Variants in LIAS observed in about 807,000 individuals in gnomAD.
LIAS encodes lipoyl synthase, mitochondrial.
LIAS carries 36 observed loss-of-function variants against 49.4 expected under a neutral mutation model. The ratio of observed to expected loss-of-function variants is 0.73; its 90% CI spans 0.56 to 0.96. The LOEUF is 0.96. Among genes scored for constraint, LIAS ranks in the 40% least tolerant of loss-of-function variants. The pLI is 0.00. For missense variants in LIAS, 399 were observed against 456.3 expected, an observed-to-expected ratio of 0.87 and a Z score of 1.14; for synonymous variants, 145 against 155.8, an observed-to-expected ratio of 0.93 and a Z score of 0.52.
At chr4:39,470,638 C>A (rs1199613927) in intron 8 of LIAS, 1 of 157,552 alleles carries the variant, frequency 6.3e-6, no homozygotes, top group Non-Finnish European at 1.4e-5. Flanking sequence ...AGTCCATTTG[C>A]TTTGTGATTC....
intron 1 of LIAS, among the ~76,000 whole-genome samples, chr4:39,459,630 G>C (rs1744340787): frequency 6.6e-6 from 1 of 152,298 alleles, no homozygotes; most frequent in African/African-American, 2.4e-5. Flanking sequence ...GTGCAGACTC[G>C]TGGATTTTGT....
chr4:39,464,974 T>C (rs770453090), intron 4 of LIAS, 72 bp from the exon 5 acceptor site: 40 of 1,305,762 alleles, frequency 3.1e-5, no homozygotes, highest in Non-Finnish European at 4.2e-5. Flanking sequence ...TGCAACTTGC[T>C]TTATTCTCTC....
At position 39,467,639 on chromosome 4, in the gene LIAS, T is replaced by C. The variant is rs1360547195; in HGVS notation, c.730T>C (p.Leu244=). The change falls in exon 7 of 11, where the codon TTA becomes CTA. Residue 244 remains leucine, a synonymous_variant. Coordinates refer to ENST00000640888, the MANE Select transcript of LIAS (RefSeq NM_006859.4). ...YAHNVETVPE[L]QSKVRDPRAN... Reference sequence around the variant, plus strand: ...ACATAATGTAGAAACAGTCCCGGAATTACAGAGGTGAATACGTGTACAAAG... The same window carrying C: ...ACATAATGTAGAAACAGTCCCGGAACTACAGAGGTGAATACGTGTACAAAG... 2 of 1,578,508 alleles carry C rather than the reference T, an allele frequency of 1.3e-6. No homozygotes were observed. The highest frequency in any genetic ancestry group is 2.3e-5 in the East Asian group (1 of 43,494).
rs1320199433 is a variant in LIAS, at chr4:39,471,314, T to G, written c.954+8T>G. ...ACAAGGCGTCACCTTAAGGTACATGTATCTTGATTTGCTTTTTTTTTTTTT... is the reference window on the plus strand; with the variant it reads ...ACAAGGCGTCACCTTAAGGTACATGGATCTTGATTTGCTTTTTTTTTTTTT... On this transcript the variant is annotated splice_region_variant and intron_variant, in intron 9 of 10. Coordinates refer to ENST00000640888, the MANE Select transcript of LIAS (RefSeq NM_006859.4). 1.3e-6 allele frequency: 2 copies of G among 1,584,376 alleles called. No individual in the cohort carries two copies. The highest frequency in any genetic ancestry group is 3.6e-5 in the Admixed American group (2 of 56,022).
Position 39,465,077 on chromosome 4 carries a change from G to T in LIAS, c.425G>T (p.Arg142Ile), listed in dbSNP as rs760870251. Residue 142 changes from arginine to isoleucine, a missense_variant, in exon 5 of 11, where the codon AGA (arginine) becomes ATA (isoleucine). Physicochemically the swap from Arg to Ile is moderately conservative, Grantham distance 97 (BLOSUM62 -3). Around this residue, in one of 3 missense-constraint regions of LIAS, gnomAD observed 234 missense variants for 292.2 expected, o/e 0.80. Coordinates refer to ENST00000640888, the MANE Select transcript of LIAS (RefSeq NM_006859.4). Reference protein sequence around the residue: ...LMGDTCTRGCRFCSVKTARNP... With the variant: ...LMGDTCTRGCIFCSVKTARNP... Reference sequence around the variant, plus strand: ...GGTGACACATGTACAAGAGGTTGCAGATTTTGTTCTGTTAAGACTGCAAGA... The same window carrying T: ...GGTGACACATGTACAAGAGGTTGCATATTTTGTTCTGTTAAGACTGCAAGA... 1.9e-6 allele frequency: 3 copies of T among 1,614,116 alleles called. No individual in the cohort carries two copies. The highest frequency in any genetic ancestry group is 2.2e-5 in the South Asian group (2 of 91,068).
intron 8 of LIAS, 146 bp downstream of exon 8, chr4:39,470,310 C>T (rs1310351738): frequency 7.5e-6 from 4 of 532,288 alleles, no homozygotes; most frequent in African/African-American, 3.8e-5. Flanking sequence ...GCACATGCAC[C>T]CTCAAATCTA....
At position 39,468,751 on chromosome 4, in the gene LIAS, G is replaced by GT. The variant is rs1286897534; in HGVS notation, c.737+1106dup. 2.7e-5 allele frequency: 4 copies of GT among 149,964 alleles called. No homozygotes were observed. The East Asian group carries it at 7.9e-4, about 30-fold the overall frequency. 9.3% of individuals were successfully genotyped at this position (149,964 alleles called of 1,614,324 possible). A position where few individuals can be genotyped will look rare whatever the true frequency, so the allele number is the denominator to read the frequency against. On this transcript the variant is annotated intron_variant, in intron 7 of 10. Transcript: ENST00000640888. Reference sequence around the variant, plus strand: ...AAAAATTTTAGCTAGGTGCAGACCTGTAATTCCAGCTACTCTGGAGGCTGA... The same window carrying GT: ...AAAAATTTTAGCTAGGTGCAGACCTGTTAATTCCAGCTACTCTGGAGGCTGA...
rs1378346978 is a variant in LIAS at position 39,478,160 on chromosome 4, A to G, written c.*1045A>G. The G allele has an allele frequency of 2.0e-5, 3 of 152,254 alleles. No individual in the cohort carries two copies. The highest frequency in any genetic ancestry group is 7.2e-5 in the African/African-American group (3 of 41,470). The allele number at this position is 152,254 out of a possible 1,614,324, so 9.4% of individuals were successfully genotyped here. ...ATTCATTCAACGTAGATTGAAACTC[A>G]TCAGATTAGCATTTGTCCTTGTAAT... On this transcript the variant is annotated 3_prime_UTR_variant, in exon 11 of 11. Coordinates refer to ENST00000640888, the MANE Select transcript of LIAS (RefSeq NM_006859.4).
rs764447725 is a variant in LIAS, at chr4:39,470,040, C to A, written c.759C>A (p.Ala253=). 6.2e-7 allele frequency: 1 copy of A among 1,608,788 alleles called. No individual in the cohort carries two copies. Among genetic ancestry groups the A allele is most frequent in the Admixed American group, 1.7e-5 (1 of 59,596 alleles). Residue 253 remains alanine, a synonymous_variant, in exon 8 of 11, where the codon GCC becomes GCA. Transcript: ENST00000640888. ...CCAGTAAGGTTCGTGATCCTCGGGCCAATTTTGATCAGTCCCTACGTGTAC... is the reference window on the plus strand; with the variant it reads ...CCAGTAAGGTTCGTGATCCTCGGGCAAATTTTGATCAGTCCCTACGTGTAC... ...ELQSKVRDPR[A]NFDQSLRVLK... is the part of the protein sequence containing the mutation.
chr4:39,465,366 A>C (rs755417379), intron 6 of LIAS, 24 bp downstream of exon 6: 3 of 1,597,574 alleles, frequency 1.9e-6, no homozygotes, highest in Non-Finnish European at 2.6e-6. Context: ...CATTTGTGTA[A>C]TTTAAGGACC....
In LIAS at chr4:39,470,130, C is replaced by T. The variant is rs146030265; in HGVS notation, c.849C>T (p.Gly283=). Reference sequence around the variant, plus strand: ...AAACATCTATAATGTTGGGTTTAGGCGAGAATGATGAGCAAGTATATGCAA... The same window carrying T: ...AAACATCTATAATGTTGGGTTTAGGTGAGAATGATGAGCAAGTATATGCAA... ...ISKTSIMLGL[G]ENDEQVYATM... The change falls in exon 8 of 11, where the codon GGC becomes GGT. Residue 283 remains glycine (G), a synonymous_variant. Coordinates refer to ENST00000640888, the MANE Select transcript of LIAS (RefSeq NM_006859.4). The T allele has an allele frequency of 3.5e-4, 566 of 1,612,966 alleles. 2 individuals carry two copies. The African/African-American group carries it at 6.4e-3, about 18-fold the overall frequency.
chr4:39,462,399 A>G, intron 3 of LIAS, 110 bp downstream of exon 3: 1 of 357,858 alleles, frequency 2.8e-6, no homozygotes, highest in Non-Finnish European at 5.1e-6. Context: ...GAAAGTAAAT[A>G]TGTTAAGTGA....
At chr4:39,465,004 T>C in intron 4 of LIAS, 42 bp from the exon 5 acceptor site, 1 of 1,517,274 alleles carries the variant, frequency 6.6e-7, no homozygotes, top group Middle Eastern at 1.7e-4. Context: ...TCCTTAAGGG[T>C]CATCTGTCTA....
At chr4:39,460,367 A>C (rs895859697) in intron 1 of LIAS, among the ~76,000 whole-genome samples, 1 of 151,940 alleles carries the variant, frequency 6.6e-6, no homozygotes, top group Non-Finnish European at 1.5e-5. Context: ...CCCTGTCTCT[A>C]CTAAAAATAC....
rs377120039 is a variant in LIAS at position 39,471,152 on chromosome 4, G to A, written c.884-84G>A. ...TATGGACTGTCATAAAGTTCACACCGTTTTTAAATATTCCTTAGGAAAATT... is the reference window on the plus strand; with the variant it reads ...TATGGACTGTCATAAAGTTCACACCATTTTTAAATATTCCTTAGGAAAATT... On this transcript the variant is annotated intron_variant, in intron 8 of 10. Coordinates refer to ENST00000640888, the MANE Select transcript of LIAS (RefSeq NM_006859.4). The A allele has an allele frequency of 1.1e-4, 109 of 1,012,084 alleles. No homozygotes were observed. The East Asian group carries it at 1.4e-3, about 13-fold the overall frequency. 62.7% of individuals were successfully genotyped at this position (1,012,084 alleles called of 1,614,324 possible).
chr4:39,473,318 C>A, intron 10 of LIAS, 107 bp downstream of exon 10: 1 of 694,510 alleles, frequency 1.4e-6, no homozygotes, highest in South Asian at 1.8e-5. Flanking sequence ...CTTTGGTGGT[C>A]TTGGTAGAGG....
In LIAS at chr4:39,463,613, C is replaced by A. The variant is rs201574806; in HGVS notation, c.393+8C>A. The A allele has an allele frequency of 1.1e-3, 1,831 of 1,610,268 alleles. 9 individuals carry two copies. Among genetic ancestry groups the A allele is most frequent in the Non-Finnish European group, 1.2e-3 (1,426 of 1,177,596 alleles). ...GCCACAGCCACGATCATGGTAGGGCCAGCCTCAACCTCTATGGCTTTAGTC... is the reference window on the plus strand; with the variant it reads ...GCCACAGCCACGATCATGGTAGGGCAAGCCTCAACCTCTATGGCTTTAGTC... On this transcript the variant is annotated splice_region_variant and intron_variant, in intron 4 of 10. Coordinates refer to ENST00000640888, the MANE Select transcript of LIAS (RefSeq NM_006859.4).
In LIAS at chr4:39,472,076, T is replaced by G. The variant is rs1486564177; in HGVS notation, c.954+770T>G. On this transcript the variant is annotated intron_variant, in intron 9 of 10. Transcript: ENST00000640888. ...ACATTTTGTATGTTACATGTACTTA[T>G]ATATATACGTATGTGTGTGTGTATA... Among the ~76,000 whole-genome samples, 4 of 151,686 alleles carry G rather than the reference T, an allele frequency of 2.6e-5. No individual in the cohort carries two copies. The South Asian group carries it at 8.4e-4, about 32-fold the overall frequency.
rs1745281953 is a variant in LIAS at position 39,478,444 on chromosome 4, CA to C, written c.*1330del. The C allele has an allele frequency of 6.6e-6, 1 of 152,116 alleles. No individual in the cohort carries two copies. The highest frequency in any genetic ancestry group is 1.5e-5 in the Non-Finnish European group (1 of 68,030). The allele number at this position is 152,116 out of a possible 1,614,324, so 9.4% of individuals were successfully genotyped here. ...ACTTGAGCCTGTGAAGCAGAGATTG[CA>C]GTGAGGCGATATCGTGCCACTGCAC... On this transcript the variant is annotated 3_prime_UTR_variant, in exon 11 of 11. Coordinates refer to ENST00000640888, the MANE Select transcript of LIAS (RefSeq NM_006859.4).
Sources: gnomAD v4.1 joint callset for allele counts (sites outside exome capture counted in the v4.1 genomes callset) on GRCh38, gnomAD v4.1.1 for gene constraint, gnomAD v4.1.1 regional missense constraint, MANE v1.5 for transcripts, NCBI Gene and HGNC (gene_info 2026-07-23, HGNC 2026-07-21) for gene names.